Variants in TUBG1 observed in about 807,000 individuals in gnomAD.
TUBG1 encodes tubulin gamma 1, also known as tubulin gamma-1 chain.
Under a neutral mutation model 53.3 loss-of-function variants are expected in TUBG1, and 22 were observed. The observed-to-expected ratio is 0.41, with a 90% CI of 0.29 to 0.59. The LOEUF (loss-of-function observed/expected upper bound fraction) is 0.59. Among genes scored for constraint, TUBG1 ranks in the 20% least tolerant of loss-of-function variants. TUBG1 has a pLI of 0.26. For synonymous variants in TUBG1, 198 were observed against 236.7 expected, an observed-to-expected ratio of 0.84 and a Z score of 1.50; for missense variants, 217 against 598.9, an observed-to-expected ratio of 0.36 and a Z score of 6.66.
intron 1 of TUBG1, 152 bp downstream of exon 1, chr17:42,609,938 G>C: frequency 7.5e-7 from 1 of 1,327,660 alleles, no homozygotes; most frequent in East Asian, 2.5e-5. Flanking sequence ...CCAACCCCGA[G>C]GGGCCCTCCC....
rs185908672 is a variant in TUBG1 at position 42,614,031 on chromosome 17, C to T, written c.843+33C>T. ...CAGCCTTCAGTGTCCCAGGCCAGGC[C>T]GGCCCTGGGCCCAACAGGCCCTGTC... is the stretch of plus-strand genomic sequence containing the variant. On this transcript the variant is annotated intron_variant, in intron 8 of 10. Transcript: ENST00000251413. This position sits in a 1 kb window ranked among gnomAD's most constrained non-coding sequence, Gnocchi z 5.1. 7.1e-4 allele frequency: 1,149 copies of T among 1,613,940 alleles called. 6 individuals are homozygous for T. In the African/African-American group the frequency reaches 0.013, roughly 18 times the overall value.
At chr17:42,613,442 A>G (rs1042737764) in intron 6 of TUBG1, among the ~76,000 whole-genome samples, 2 of 152,220 alleles carry the variant, frequency 1.3e-5, no homozygotes, top group African/African-American at 4.8e-5. Flanking sequence ...GAACAAAAAA[A>G]AAAACTGTTT....
In TUBG1 at chr17:42,612,459, G is replaced by T. The variant is rs141876276; in HGVS notation, c.432G>T (p.Gly144=). The change falls in exon 5 of 11, where the codon GGG becomes GGT. Residue 144 remains glycine, a synonymous_variant. Coordinates refer to ENST00000251413, the MANE Select transcript of TUBG1 (RefSeq NM_001070.5). ...GFVLCHSIAG[G]TGSGLGSYLL... ...TGCTGTGTCACTCCATTGCTGGGGG[G>T]ACAGGCTCTGGACTGGGTTCCTACC... is the stretch of plus-strand genomic sequence containing the variant. 6.2e-7 allele frequency: 1 copy of T among 1,613,998 alleles called. No individual in the cohort carries two copies. Among genetic ancestry groups the T allele is most frequent in the Non-Finnish European group, 8.5e-7 (1 of 1,179,994 alleles).
In TUBG1 at chr17:42,614,614, G is replaced by A; in HGVS notation, c.1115G>A (p.Arg372Gln). 6.2e-7 allele frequency: 1 copy of A among 1,614,114 alleles called. No individual in the cohort carries two copies. The highest frequency in any genetic ancestry group is 8.5e-7 in the Non-Finnish European group (1 of 1,179,968). ...RKSPYLPSAH[R>Q]VSGLMMANHT... ...TCTCCCTACCTGCCCTCGGCCCACC[G>A]GGTCAGCGGGCTCATGATGGCCAAC... is the stretch of plus-strand genomic sequence containing the variant. Residue 372 changes from arginine to glutamine, a missense_variant, in exon 10 of 11, where the codon CGG (arginine) becomes CAG (glutamine). Physicochemically the swap from Arg to Gln is conservative, Grantham distance 43. Coordinates refer to ENST00000251413, the MANE Select transcript of TUBG1 (RefSeq NM_001070.5). The surrounding 1 kb of genome is among the most constrained non-coding windows in gnomAD (Gnocchi z 5.1).
Position 42,614,779 on chromosome 17 carries a change from C to T in TUBG1, c.1159-65C>T. Reference sequence around the variant, plus strand: ...GTGGGCATAGCCCAGCCTTGGTTCCCCAGCTTTCTGGGCCACGTTATTCTT... The same window carrying T: ...GTGGGCATAGCCCAGCCTTGGTTCCTCAGCTTTCTGGGCCACGTTATTCTT... On this transcript the variant is annotated intron_variant, in intron 10 of 10. Coordinates refer to ENST00000251413, the MANE Select transcript of TUBG1 (RefSeq NM_001070.5). This position sits in a 1 kb window ranked among gnomAD's most constrained non-coding sequence, Gnocchi z 5.1. The T allele has an allele frequency of 1.9e-6, 3 of 1,610,760 alleles. No individual in the cohort carries two copies. In the South Asian group the frequency reaches 3.3e-5, roughly 18 times the overall value.
At chr17:42,609,993 G>A in intron 1 of TUBG1, 115 bp from the exon 2 acceptor site, 1 of 1,381,940 alleles carries the variant, frequency 7.2e-7, no homozygotes, top group Non-Finnish European at 9.9e-7. Flanking sequence ...ACACGGGAGA[G>A]TCCTGCGGCT....
intron 5 of TUBG1, 51 bp downstream of exon 5, chr17:42,612,557 TGACTAGGG>T (rs1258997581): frequency 1.3e-6 from 2 of 1,540,670 alleles, no homozygotes; most frequent in Non-Finnish European, 1.8e-6. Flanking sequence ...GCTTCCTAAA[TGACTAGGG>T]GACCCAGCAG....
In TUBG1 at chr17:42,609,799, C is replaced by T. The variant is rs1451437009; in HGVS notation, c.49+13C>T. 1 of 1,550,968 alleles carries T rather than the reference C, an allele frequency of 6.4e-7. No homozygotes were observed. Among genetic ancestry groups the T allele is most frequent in the Non-Finnish European group, 8.7e-7 (1 of 1,146,726 alleles). ...TGCGGCAATCAGAGTGAGCGAAACT[C>T]CGGCCCCTCAGCTAGCCAGGTTCCT... On this transcript the variant is annotated intron_variant, in intron 1 of 10. Transcript: ENST00000251413.
In TUBG1 at chr17:42,613,838, C is replaced by G. The variant is rs1436980225; in HGVS notation, c.694-11C>G. ...AGGCTGAGGCCCATAACATGGCACG[C>G]CTGTCCCCAGGTGTCTACCATCATG... On this transcript the variant is annotated splice_polypyrimidine_tract_variant and intron_variant, in intron 7 of 10. Coordinates refer to ENST00000251413, the MANE Select transcript of TUBG1 (RefSeq NM_001070.5). 2 of 1,614,196 alleles carry G rather than the reference C, an allele frequency of 1.2e-6. No individual in the cohort carries two copies. Among genetic ancestry groups the G allele is most frequent in the South Asian group, 2.2e-5 (2 of 91,088 alleles).
chr17:42,612,782 C>G (rs1469677343), intron 5 of TUBG1, among the ~76,000 whole-genome samples, 165 bp from the exon 6 acceptor site: 1 of 152,156 alleles, frequency 6.6e-6, no homozygotes, highest in South Asian at 2.1e-4. Flanking sequence ...GCCCTTCCCC[C>G]TGTAGGGCTA....
intron 6 of TUBG1, 119 bp downstream of exon 6, chr17:42,613,192 G>C: frequency 6.9e-7 from 1 of 1,450,000 alleles, no homozygotes. Flanking sequence ...GCTCATGACT[G>C]TAATCCCATC....
chr17:42,614,667 A>G lies in TUBG1; in HGVS notation c.1158+10A>G. The G allele has an allele frequency of 6.2e-7, 1 of 1,613,828 alleles. No homozygotes were observed. The highest frequency in any genetic ancestry group is 1.6e-4 in the Middle Eastern group (1 of 6,062). ...CACCAGCATCTCCTCGGTGAGTCTC[A>G]AAGTTTGCACCTTTTTTCCCTGAAT... On this transcript the variant is annotated intron_variant, in intron 10 of 10. Transcript: ENST00000251413. The surrounding 1 kb of genome is among the most constrained non-coding windows in gnomAD (Gnocchi z 5.1).
At chr17:42,610,631 T>TTG (rs1219415324) in intron 3 of TUBG1, 41 bp downstream of exon 3, 2 of 1,613,724 alleles carry the variant, frequency 1.2e-6, no homozygotes, top group East Asian at 4.5e-5. Flanking sequence ...ACTCGCTGGG[T>TTG]AGGGACAGGC....
chr17:42,609,892 G>GACC, intron 1 of TUBG1, 106 bp downstream of exon 1: 1 of 1,451,586 alleles, frequency 6.9e-7, no homozygotes, highest in Non-Finnish European at 9.2e-7. Flanking sequence ...GTAGTTCTCT[G>GACC]AAAGGCGAGA....
rs1356845445 is a variant in TUBG1 at position 42,612,619 on chromosome 17, C to T, written c.479+113C>T. ...TGGAACAGGAAAGAGTTCTTATATT[C>T]CCTCCTATAGAGAGGAAAATGAAGT... On this transcript the variant is annotated intron_variant, in intron 5 of 10. Coordinates refer to ENST00000251413, the MANE Select transcript of TUBG1 (RefSeq NM_001070.5). The T allele has an allele frequency of 6.8e-6, 7 of 1,033,320 alleles. No individual in the cohort carries two copies. The Admixed American group carries it at 7.7e-5, about 11-fold the overall frequency. 64.0% of individuals were successfully genotyped at this position (1,033,320 alleles called of 1,614,324 possible).
chr17:42,610,310 T>G, intron 2 of TUBG1, 90 bp downstream of exon 2: 13 of 1,588,762 alleles, frequency 8.2e-6, no homozygotes, highest in Non-Finnish European at 8.6e-6. Context: ...CGCTGGGCAG[T>G]AGGGCCAGGC....
At position 42,614,864 on chromosome 17, in the gene TUBG1, C is replaced by T. The variant is rs2052064721; in HGVS notation, c.1179C>T (p.Arg393=). The T allele has an allele frequency of 2.5e-6, 4 of 1,614,084 alleles. No individual in the cohort carries two copies. Among genetic ancestry groups the T allele is most frequent in the Non-Finnish European group, 3.4e-6 (4 of 1,180,028 alleles). The change falls in exon 11 of 11, where the codon CGC becomes CGT. Residue 393 remains arginine, a synonymous_variant. Coordinates refer to ENST00000251413, the MANE Select transcript of TUBG1 (RefSeq NM_001070.5). This position sits in a 1 kb window ranked among gnomAD's most constrained non-coding sequence, Gnocchi z 5.1. ...CCAAGCTCTTCGAGAGAACCTGTCG[C>T]CAGTATGACAAGCTGCGTAAGCGGG... ...SISSLFERTC[R]QYDKLRKREA...
chr17:42,612,882 T>C (rs578233284), intron 5 of TUBG1, 65 bp from the exon 6 acceptor site: 1 of 1,599,872 alleles, frequency 6.3e-7, no homozygotes, highest in Non-Finnish European at 8.5e-7. Flanking sequence ...GGACAGTTGT[T>C]AGGGAGCGCC....
chr17:42,614,327 T>C lies in TUBG1; in HGVS notation c.911T>C (p.Met304Thr). 6.2e-7 allele frequency: 1 copy of C among 1,613,922 alleles called. No homozygotes were observed. The highest frequency in any genetic ancestry group is 8.5e-7 in the Non-Finnish European group (1 of 1,179,840). ...MRRLLQPKNV[M>T]VSTGRDRQTN... ...CGGCTGCTGCAGCCCAAGAACGTGA[T>C]GGTGTCCACAGGCCGAGACCGCCAG... Residue 304 changes from methionine to threonine, a missense_variant, in exon 9 of 11, where the codon ATG becomes ACG. Coordinates refer to ENST00000251413, the MANE Select transcript of TUBG1 (RefSeq NM_001070.5). The surrounding 1 kb of genome is among the most constrained non-coding windows in gnomAD (Gnocchi z 5.1).
Sources: allele counts gnomAD v4.1 joint callset (sites outside exome capture counted in the v4.1 genomes callset), GRCh38; gene constraint gnomAD v4.1.1; non-coding constraint Gnocchi (gnomAD v3.1); transcripts MANE v1.5; gene names NCBI Gene and HGNC (gene_info 2026-07-23, HGNC 2026-07-21).